SNX29: variants seen among roughly 807,000 people sequenced by gnomAD.
SNX29 encodes the protein sorting nexin-29.
SNX29 carries 78 observed loss-of-function variants against 102.1 expected under a neutral mutation model. The observed-to-expected ratio is 0.76, with a 90% confidence interval of 0.64 to 0.92. The LOEUF is 0.92. Among genes scored for constraint, SNX29 ranks in the 40% least tolerant of loss-of-function variants. The pLI, the probability that SNX29 is intolerant of heterozygous loss-of-function variation, is 0.00. For synonymous variants in SNX29, 580 were observed against 414.5 expected (o/e 1.40, Z -4.85); for missense variants, 1,280 against 1,061.7 (o/e 1.21, Z -2.86).
intron 11 of SNX29, among the ~76,000 whole-genome samples, chr16:12,079,500 A>C (rs979798626): frequency 6.8e-6 from 1 of 147,834 alleles, no homozygotes; most frequent in East Asian, 2.0e-4. Context: ...CAGAGGGGGC[A>C]CTTGTTCCCA....
At chr16:12,013,839 A>T (rs1462265172) in intron 3 of SNX29, among the ~76,000 whole-genome samples, 3 of 118,016 alleles carry the variant, frequency 2.5e-5, no homozygotes, top group Non-Finnish European at 6.0e-5. Flanking sequence ...TTTAGTAGAG[A>T]TGGGTTTCAC....
intron 20 of SNX29, among the ~76,000 whole-genome samples, chr16:12,542,793 T>G (rs188878100): frequency 1.3e-5 from 2 of 151,674 alleles, no homozygotes; most frequent in Admixed American, 1.3e-4. Context: ...ATTAGTTAAA[T>G]CAGCAAGTAA....
chr16:12,303,350 C>T (rs769652062), intron 15 of SNX29, among the ~76,000 whole-genome samples: 3 of 143,800 alleles, frequency 2.1e-5, no homozygotes, highest in Non-Finnish European at 3.0e-5. Flanking sequence ...AGATATCCAT[C>T]GATAAGAGAG....
At position 12,398,409 on chromosome 16, in the gene SNX29, C is replaced by G. The variant is rs748988979; in HGVS notation, c.1900-37C>G. On this transcript the variant is annotated intron_variant, in intron 16 of 20. Coordinates refer to ENST00000566228, the MANE Select transcript of SNX29 (RefSeq NM_032167.5). Reference sequence around the variant, plus strand: ...TATGCAAACCATGGTAACCATTATGCATTTTTTCTCCCCTCTCCCCCTTCT... The same window carrying G: ...TATGCAAACCATGGTAACCATTATGGATTTTTTCTCCCCTCTCCCCCTTCT... The G allele has an allele frequency of 1.6e-5, 26 of 1,607,870 alleles. No homozygotes were observed. In the African/African-American group the frequency reaches 1.7e-4, roughly 11 times the overall value.
chr16:11,995,150 C>T (rs1372276358), intron 1 of SNX29, among the ~76,000 whole-genome samples: 1 of 152,208 alleles, frequency 6.6e-6, no homozygotes, highest in Non-Finnish European at 1.5e-5. Flanking sequence ...ACTGTAACCT[C>T]CGTCTCCCAG....
At chr16:12,396,482 C>T (rs947228101) in intron 16 of SNX29, among the ~76,000 whole-genome samples, 7 of 152,162 alleles carry the variant, frequency 4.6e-5, no homozygotes, top group Non-Finnish European at 1.5e-5. Context: ...CTGGTCTGCC[C>T]ACTTGATCCC....
rs936479510 is a variant in SNX29, at chr16:12,308,052, G to A, written c.1782+30016G>A. Among the ~76,000 whole-genome samples, 5 of 152,252 alleles carry A rather than the reference G, an allele frequency of 3.3e-5. 1 individual carries two copies. The East Asian group carries it at 5.8e-4, about 18-fold the overall frequency. ...GGTGCTCATATGGGAGAGATGCACA[G>A]ACAGGGTCTACCTCAGCTCTGGCCT... On this transcript the variant is annotated intron_variant, in intron 15 of 20. Coordinates refer to ENST00000566228, the MANE Select transcript of SNX29 (RefSeq NM_032167.5).
chr16:12,035,204 CTTTTTTTT>C (rs3971431), intron 4 of SNX29, among the ~76,000 whole-genome samples: 1 of 135,298 alleles, frequency 7.4e-6, no homozygotes, highest in African/African-American at 2.7e-5. Context: ...AGAAATTTCC[CTTTTTTTT>C]TTTTTTTTTT....
intron 13 of SNX29, among the ~76,000 whole-genome samples, chr16:12,133,575 G>A (rs866520963): frequency 1.5e-4 from 23 of 152,284 alleles, no homozygotes; most frequent in South Asian, 6.2e-4. Flanking sequence ...ACAGGCATGA[G>A]CCACTGCTCT....
chr16:12,018,961 G>A (rs1361198426), intron 3 of SNX29, among the ~76,000 whole-genome samples: 2 of 149,632 alleles, frequency 1.3e-5, no homozygotes, highest in Non-Finnish European at 3.0e-5. Flanking sequence ...TTGTAGATCT[G>A]TTTTTTTTTA....
At chr16:12,493,569 T>C (rs966858537) in intron 19 of SNX29, among the ~76,000 whole-genome samples, 2 of 152,180 alleles carry the variant, frequency 1.3e-5, no homozygotes, top group African/African-American at 2.4e-5. Flanking sequence ...CTTCCAACAC[T>C]ATGTTGAATA....
intron 15 of SNX29, among the ~76,000 whole-genome samples, chr16:12,320,861 G>T (rs1013513890): frequency 6.6e-6 from 1 of 152,172 alleles, no homozygotes; most frequent in Non-Finnish European, 1.5e-5. Context: ...GCAAATCTGG[G>T]ACCTGAGGTT....
chr16:12,048,509 G>A lies in SNX29; in HGVS notation c.637G>A (p.Gly213Arg). 6 of 1,613,960 alleles carry A rather than the reference G, an allele frequency of 3.7e-6. No homozygotes were observed. Among genetic ancestry groups the A allele is most frequent in the Non-Finnish European group, 5.1e-6 (6 of 1,179,856 alleles). ...CTCCTTGCTGAAGGAGTCCACGCAA[G>A]GAGTGAGCAGCCTGTTCAGGGAGAT... The part of the protein sequence containing the change: ...VTSLLKESTQ[G>R]VSSLFREITA... The change falls in exon 7 of 21, where the codon GGA becomes AGA. Residue 213 changes from glycine to arginine, a missense_variant. Coordinates refer to ENST00000566228, the MANE Select transcript of SNX29 (RefSeq NM_032167.5).
chr16:12,151,455 C>T (rs1231842451), intron 13 of SNX29, among the ~76,000 whole-genome samples: 1 of 152,172 alleles, frequency 6.6e-6, no homozygotes, highest in African/African-American at 2.4e-5. Flanking sequence ...GTACAACACT[C>T]CACTGTACTC....
At position 12,527,134 on chromosome 16, in the gene SNX29, T is replaced by C. The variant is rs185702726; in HGVS notation, c.2318+2293T>C. The C allele has an allele frequency of 2.6e-4, 128 of 497,524 alleles. 1 individual carries two copies. Among genetic ancestry groups the C allele is most frequent in the African/African-American group, 2.1e-3 (112 of 52,586 alleles). 30.8% of individuals were successfully genotyped at this position (497,524 alleles called of 1,614,324 possible). A position where few individuals can be genotyped will look rare whatever the true frequency, so the allele number is the denominator to read the frequency against. On this transcript the variant is annotated intron_variant, in intron 20 of 20. Coordinates refer to ENST00000566228, the MANE Select transcript of SNX29 (RefSeq NM_032167.5). ...CTTTGGCTTTCCTCACTGTTCCAAA[T>C]CCCACAGCCCCCTTCTCCTTCTTCC...
chr16:12,561,866 A>G (rs1179421340), intron 20 of SNX29, among the ~76,000 whole-genome samples: 2 of 152,034 alleles, frequency 1.3e-5, no homozygotes, highest in Non-Finnish European at 2.9e-5. Context: ...CTGGGGACTT[A>G]TGGGCTGTCT....
intron 19 of SNX29, among the ~76,000 whole-genome samples, chr16:12,484,190 C>T (rs1047810556): frequency 2.6e-5 from 4 of 152,126 alleles, no homozygotes; most frequent in African/African-American, 9.7e-5. Flanking sequence ...TCTCTGTCAC[C>T]CAGGCTGGAG....
At chr16:12,489,335 C>T (rs1308755934) in intron 19 of SNX29, among the ~76,000 whole-genome samples, 2 of 152,084 alleles carry the variant, frequency 1.3e-5, no homozygotes, top group East Asian at 1.9e-4. Flanking sequence ...TGGTTATTTC[C>T]TGAAGCCACC....
intron 13 of SNX29, 49 bp from the exon 14 acceptor site, chr16:12,199,552 C>A: frequency 6.5e-7 from 1 of 1,534,306 alleles, no homozygotes; most frequent in Non-Finnish European, 8.8e-7. Context: ...TGTGGGTCCA[C>A]ATTGTCACTT....
Sources: gnomAD v4.1 joint callset for allele counts (sites outside exome capture counted in the v4.1 genomes callset) on GRCh38, gnomAD v4.1.1 for gene constraint, MANE v1.5 for transcripts, NCBI Gene and HGNC (gene_info 2026-07-23, HGNC 2026-07-21) for gene names.